The following CLVS1 variants were observed in gnomAD, a reference collection of about 807,000 sequenced individuals.
The protein encoded by CLVS1 is clavesin-1.
CLVS1 carries 10 observed loss-of-function variants against 33.1 expected under a neutral mutation model. That is an observed-to-expected ratio of 0.30 (90% CI 0.19 to 0.51). CLVS1 has a LOEUF of 0.51. CLVS1 is among the 20% of genes least tolerant of loss of function. The probability of loss-of-function intolerance (pLI) is 0.97; values close to 1 mark genes in which losing one functional copy is unlikely to be tolerated. For synonymous variants in CLVS1, 163 were observed against 166.1 expected, an observed-to-expected ratio of 0.98 and a Z score of 0.14; for missense variants, 343 against 433.4, an observed-to-expected ratio of 0.79 and a Z score of 1.85.
intron 5 of CLVS1, among the ~76,000 whole-genome samples, chr8:61,486,299 G>A (rs1803881079): frequency 6.6e-6 from 1 of 152,002 alleles, no homozygotes; most frequent in Non-Finnish European, 1.5e-5. Flanking sequence ...TAAATGTCCA[G>A]TACGGATTCT....
At chr8:61,428,952 T>C (rs1816004156) in intron 3 of CLVS1, among the ~76,000 whole-genome samples, 1 of 152,148 alleles carries the variant, frequency 6.6e-6, no homozygotes, top group South Asian at 2.1e-4. Flanking sequence ...TGTAAGTATG[T>C]GTATGTGTGT....
rs117187261 is a variant in CLVS1 at position 61,061,681 on chromosome 8, C to T, written c.-243+4451C>T. Reference sequence around the variant, plus strand: ...TCACATGGGAGTTCTCTAGATAAACCGGTTATCTTTTTTACGGAATCAGAA... The same window carrying T: ...TCACATGGGAGTTCTCTAGATAAACTGGTTATCTTTTTTACGGAATCAGAA... On this transcript the variant is annotated intron_variant, in intron 1 of 2. Transcript: ENST00000522621. Among the ~76,000 whole-genome samples the T allele has an allele frequency of 8.2e-3, 1,242 of 151,804 alleles. 5 individuals are homozygous for T. The highest frequency in any genetic ancestry group is 0.014 in the Middle Eastern group (4 of 294).
chr8:61,033,688 C>A, the CLVS1 span, among the ~76,000 whole-genome samples: 1 of 152,222 alleles, frequency 6.6e-6, no homozygotes, highest in Non-Finnish European at 1.5e-5. Flanking sequence ...ATGTAACCAC[C>A]TGGCTGGGGG....
At chr8:61,186,003 G>A (rs1209488064) in intron 2 of CLVS1, among the ~76,000 whole-genome samples, 1 of 152,164 alleles carries the variant, frequency 6.6e-6, no homozygotes, top group Non-Finnish European at 1.5e-5. Context: ...ATACGCCATG[G>A]AGATAAGGAC....
At chr8:61,135,686 A>T (rs768613439) in intron 2 of CLVS1, among the ~76,000 whole-genome samples, 19 of 152,224 alleles carry the variant, frequency 1.2e-4, no homozygotes, top group Non-Finnish European at 2.2e-4. Flanking sequence ...TTCTGAAGTC[A>T]GTTGGAGCCT....
At chr8:60,984,141 G>A in the CLVS1 span, among the ~76,000 whole-genome samples, 2 of 152,066 alleles carry the variant, frequency 1.3e-5, no homozygotes, top group East Asian at 1.9e-4. Flanking sequence ...GATGACCCTG[G>A]AGGAATCACT....
chr8:61,497,614 A>G (rs1006141412), intron 5 of CLVS1, among the ~76,000 whole-genome samples: 2 of 152,280 alleles, frequency 1.3e-5, no homozygotes, highest in Non-Finnish European at 2.9e-5. Flanking sequence ...GGTTCATCAG[A>G]AAGATGTTAC....
At chr8:61,073,188 T>A (rs1050532442) in intron 1 of CLVS1, among the ~76,000 whole-genome samples, 1 of 152,240 alleles carries the variant, frequency 6.6e-6, no homozygotes, top group Non-Finnish European at 1.5e-5. Flanking sequence ...TATCTTCTGC[T>A]TCTAAATCTC....
At chr8:61,252,519 T>G (rs1410754337) in intron 2 of CLVS1, among the ~76,000 whole-genome samples, 2 of 152,170 alleles carry the variant, frequency 1.3e-5, no homozygotes, top group Admixed American at 6.5e-5. Context: ...CAGTGGGGTG[T>G]TAAAATCTCC....
At chr8:61,219,065 G>T (rs1380480704) in intron 2 of CLVS1, among the ~76,000 whole-genome samples, 3 of 152,220 alleles carry the variant, frequency 2.0e-5, no homozygotes, top group African/African-American at 7.2e-5. Flanking sequence ...GGTGTTCATA[G>T]GATCTCTGAG....
chr8:61,463,241 G>T (rs1033325729), intron 5 of CLVS1, among the ~76,000 whole-genome samples: 1 of 152,126 alleles, frequency 6.6e-6, no homozygotes. Flanking sequence ...TCTGAATTAG[G>T]CTTTGGCTTA....
chr8:60,971,709 G>C, the CLVS1 span, among the ~76,000 whole-genome samples: 3 of 152,102 alleles, frequency 2.0e-5, no homozygotes, highest in African/African-American at 7.2e-5. Flanking sequence ...AGGTCTTCTA[G>C]AGCTGTTCAT....
chr8:61,118,426 G>A (rs1486319134), intron 1 of CLVS1, among the ~76,000 whole-genome samples: 7 of 79,070 alleles, frequency 8.9e-5, no homozygotes, highest in African/African-American at 8.7e-4. Flanking sequence ...TTTTGAATGT[G>A]TTTGCTCTGC....
chr8:61,317,282 G>A (rs1339476373), intron 2 of CLVS1, among the ~76,000 whole-genome samples: 1 of 152,134 alleles, frequency 6.6e-6, no homozygotes, highest in Non-Finnish European at 1.5e-5. Flanking sequence ...TCCTCACATG[G>A]CAGAAAGCAG....
At chr8:61,344,082 G>A (rs1363859166) in intron 2 of CLVS1, among the ~76,000 whole-genome samples, 1 of 152,068 alleles carries the variant, frequency 6.6e-6, no homozygotes, top group African/African-American at 2.4e-5. Flanking sequence ...GGTAGGCCCT[G>A]TTCTGAGTTC....
intron 3 of CLVS1, among the ~76,000 whole-genome samples, chr8:61,408,549 G>A (rs1815086715): frequency 6.6e-6 from 1 of 152,056 alleles, no homozygotes; most frequent in Non-Finnish European, 1.5e-5. Context: ...TGTGCCTCTA[G>A]CAAATTAGAC....
chr8:61,062,967 C>G (rs564398506), intron 1 of CLVS1, among the ~76,000 whole-genome samples: 47 of 152,280 alleles, frequency 3.1e-4, no homozygotes, highest in African/African-American at 1.1e-3. Context: ...GTATCAGACT[C>G]TCTGCTAAAG....
intron 2 of CLVS1, among the ~76,000 whole-genome samples, chr8:61,270,124 C>T (rs187207337): frequency 7.9e-5 from 12 of 152,320 alleles, no homozygotes; most frequent in Admixed American, 2.0e-4. Flanking sequence ...AGTTTTTGCC[C>T]ATTCAGTATG....
intron 1 of CLVS1, among the ~76,000 whole-genome samples, chr8:61,077,809 T>G (rs1037274488): frequency 6.6e-6 from 1 of 152,084 alleles, no homozygotes; most frequent in Non-Finnish European, 1.5e-5. Context: ...GGGCTGCCCA[T>G]GAGTGGGCCC....
Sources: gnomAD v4.1 joint callset for allele counts (sites outside exome capture counted in the v4.1 genomes callset) on GRCh38, gnomAD v4.1.1 for gene constraint, MANE v1.5 for transcripts, NCBI Gene and HGNC (gene_info 2026-07-23, HGNC 2026-07-21) for gene names.